Variants in RSBN1L observed in about 807,000 individuals in gnomAD.
RSBN1L encodes the protein round spermatid basic protein 1 like, also known as lysine-specific demethylase RSBN1L.
In RSBN1L, 30 loss-of-function variants were observed where a neutral mutation model predicts 67.7. The observed-to-expected ratio is 0.44, with a 90% CI of 0.33 to 0.60. The LOEUF (loss-of-function observed/expected upper bound fraction) is 0.60, where lower values mean the gene tolerates loss of function less well. Among genes scored for constraint, RSBN1L ranks in the 20% least tolerant of loss-of-function variants. RSBN1L has a pLI of 0.02. For missense variants in RSBN1L, 992 were observed against 1,031.7 expected, an observed-to-expected ratio of 0.96 and a Z score of 0.53; for synonymous variants, 433 against 387.0, an observed-to-expected ratio of 1.12 and a Z score of -1.39.
At chr7:77,745,223 T>C (rs1056259716) in intron 2 of RSBN1L, among the ~76,000 whole-genome samples, 1 of 149,672 alleles carries the variant, frequency 6.7e-6, no homozygotes, top group African/African-American at 2.5e-5. Flanking sequence ...ATTATGCCAT[T>C]GCACTCCAGC....
chr7:77,764,184 G>A (rs1190849779), intron 3 of RSBN1L, among the ~76,000 whole-genome samples: 19 of 152,110 alleles, frequency 1.2e-4, no homozygotes, highest in Admixed American at 1.2e-3. Flanking sequence ...TGATAGTCCT[G>A]GGCAAACTGG....
At chr7:77,714,083 G>A (rs2150414233) in intron 1 of RSBN1L, among the ~76,000 whole-genome samples, 1 of 152,146 alleles carries the variant, frequency 6.6e-6, no homozygotes, top group Middle Eastern at 3.4e-3. Context: ...TTTTAGATTT[G>A]CACTTTTTTA....
At position 77,779,595 on chromosome 7, in the gene RSBN1L, C is replaced by CT. The variant is rs1405132057; in HGVS notation, c.*432dup. ...TGTAGTGTAAATAGCTTTTAAATAT[C>CT]TTTTTAGTGTGATTTATACTGAAAT... On this transcript the variant is annotated 3_prime_UTR_variant, in exon 8 of 8. Coordinates refer to ENST00000334955, the MANE Select transcript of RSBN1L (RefSeq NM_198467.3). 1 of 150,752 alleles carries CT rather than the reference C, an allele frequency of 6.6e-6. No homozygotes were observed. Among genetic ancestry groups the CT allele is most frequent in the African/African-American group, 2.4e-5 (1 of 40,968 alleles). 9.3% of individuals were successfully genotyped at this position (150,752 alleles called of 1,614,324 possible).
rs1303453139 is a variant in RSBN1L at position 77,749,769 on chromosome 7, A to G, written c.1049A>G (p.His350Arg). 1 of 1,614,242 alleles carries G rather than the reference A, an allele frequency of 6.2e-7. No individual in the cohort carries two copies. The highest frequency in any genetic ancestry group is 1.1e-5 in the South Asian group (1 of 91,090). The change falls in exon 3 of 8, where the codon CAT becomes CGT. Residue 350 changes from histidine to arginine, a missense_variant. Around this residue, in one of 7 missense-constraint regions of RSBN1L, gnomAD observed 575 missense variants for 483.2 expected, o/e 1.19. Coordinates refer to ENST00000334955, the MANE Select transcript of RSBN1L (RefSeq NM_198467.3). Reference protein sequence around the residue: ...LDTLEFKQLIHIEHQPNGGAS... With the variant: ...LDTLEFKQLIRIEHQPNGGAS... ...ACTTTGGAATTTAAACAACTCATTCATATAGAGCACCAGCCTAATGGAGGT... is the reference window on the plus strand; with the variant it reads ...ACTTTGGAATTTAAACAACTCATTCGTATAGAGCACCAGCCTAATGGAGGT...
At chr7:77,729,743 C>T (rs986585794) in intron 1 of RSBN1L, among the ~76,000 whole-genome samples, 1 of 152,110 alleles carries the variant, frequency 6.6e-6, no homozygotes, top group South Asian at 2.1e-4. Flanking sequence ...TGTTTGAGCA[C>T]AGGAGTTTGA....
intron 1 of RSBN1L, 187 bp downstream of exon 1, chr7:77,697,242 C>A: frequency 1.9e-6 from 1 of 521,616 alleles, no homozygotes; most frequent in Non-Finnish European, 2.9e-6. Context: ...CCTGTAATTT[C>A]GGTTGCAGAG....
At chr7:77,703,477 G>GTTGTTTTTTT (rs1790845776) in intron 1 of RSBN1L, among the ~76,000 whole-genome samples, 8 of 61,572 alleles carry the variant, frequency 1.3e-4, no homozygotes, top group African/African-American at 5.4e-4. Flanking sequence ...TACTGTTTGG[G>GTTGTTTTTTT]TTTTTTTTTT....
At position 77,696,859 on chromosome 7, in the gene RSBN1L, C is replaced by G. The variant is rs747576362; in HGVS notation, c.390C>G (p.Val130=). The G allele has an allele frequency of 1.2e-5, 20 of 1,611,944 alleles. No homozygotes were observed. Among genetic ancestry groups the G allele is most frequent in the Non-Finnish European group, 1.7e-6 (2 of 1,179,894 alleles). Residue 130 remains valine (V), a synonymous_variant, in exon 1 of 8, where the codon GTC becomes GTG. Coordinates refer to ENST00000334955, the MANE Select transcript of RSBN1L (RefSeq NM_198467.3). ...AGCCGGTGCCGCGCAAACTGCTGGTCCCTCCTACGCTGCTGCACGCTCAGC... is the reference window on the plus strand; with the variant it reads ...AGCCGGTGCCGCGCAAACTGCTGGTGCCTCCTACGCTGCTGCACGCTCAGC... ...LSQPVPRKLL[V]PPTLLHAQPH... is the part of the protein sequence containing the mutation.
At chr7:77,730,627 A>G (rs1791261186) in intron 1 of RSBN1L, among the ~76,000 whole-genome samples, 1 of 152,146 alleles carries the variant, frequency 6.6e-6, no homozygotes, top group Non-Finnish European at 1.5e-5. Flanking sequence ...CCTTTTCCAC[A>G]GCGTCATATG....
chr7:77,717,963 G>A (rs1431087671), intron 1 of RSBN1L, among the ~76,000 whole-genome samples: 1 of 152,230 alleles, frequency 6.6e-6, no homozygotes, highest in Non-Finnish European at 1.5e-5. Context: ...AGGCTGCAGT[G>A]AGCCGAGATC....
chr7:77,747,971 A>G (rs1791507070), intron 2 of RSBN1L, among the ~76,000 whole-genome samples: 1 of 152,074 alleles, frequency 6.6e-6, no homozygotes, highest in Admixed American at 6.6e-5. Flanking sequence ...TTCATTTGTA[A>G]ATAATGAGCA....
At chr7:77,700,437 C>G (rs1214117273) in intron 1 of RSBN1L, among the ~76,000 whole-genome samples, 1 of 152,188 alleles carries the variant, frequency 6.6e-6, no homozygotes, top group Non-Finnish European at 1.5e-5. Context: ...AAAACCAGAG[C>G]ATTTCACTGA....
intron 3 of RSBN1L, among the ~76,000 whole-genome samples, chr7:77,762,615 A>G (rs1791709390): frequency 6.6e-6 from 1 of 152,192 alleles, no homozygotes; most frequent in Non-Finnish European, 1.5e-5. Flanking sequence ...ATTAGTAAAT[A>G]AAGTTCTTGA....
At chr7:77,722,965 C>A (rs1248841828) in intron 1 of RSBN1L, among the ~76,000 whole-genome samples, 1 of 109,750 alleles carries the variant, frequency 9.1e-6, no homozygotes, top group Non-Finnish European at 1.8e-5. Context: ...TTCTTTCTCT[C>A]TTCTTTTTTT....
intron 6 of RSBN1L, among the ~76,000 whole-genome samples, chr7:77,773,891 G>T (rs1791878362): frequency 6.6e-6 from 1 of 152,200 alleles, no homozygotes; most frequent in Non-Finnish European, 1.5e-5. Flanking sequence ...GGCTTACCTG[G>T]TGCATACTGT....
chr7:77,726,073 T>C (rs1014961835), intron 1 of RSBN1L, among the ~76,000 whole-genome samples: 1 of 152,188 alleles, frequency 6.6e-6, no homozygotes, highest in African/African-American at 2.4e-5. Flanking sequence ...ATAAGTTTTT[T>C]AGTAAGCATT....
In RSBN1L at chr7:77,779,746, G is replaced by A. The variant is rs1488943144; in HGVS notation, c.*578G>A. Reference sequence around the variant, plus strand: ...GATTCTCTGCTGGTATATCTATTTAGTGTGGTATTGTAGTGCAAATGTACG... The same window carrying A: ...GATTCTCTGCTGGTATATCTATTTAATGTGGTATTGTAGTGCAAATGTACG... On this transcript the variant is annotated 3_prime_UTR_variant, in exon 8 of 8. Coordinates refer to ENST00000334955, the MANE Select transcript of RSBN1L (RefSeq NM_198467.3). The A allele has an allele frequency of 2.0e-5, 3 of 150,612 alleles. No homozygotes were observed. The highest frequency in any genetic ancestry group is 3.0e-5 in the Non-Finnish European group (2 of 67,778). 9.3% of individuals were successfully genotyped at this position (150,612 alleles called of 1,614,324 possible).
intron 1 of RSBN1L, among the ~76,000 whole-genome samples, chr7:77,703,134 G>C (rs1790840517): frequency 1.3e-5 from 2 of 152,132 alleles, no homozygotes; most frequent in African/African-American, 4.8e-5. Flanking sequence ...TAGTCTCCCT[G>C]TTTTCATACC....
intron 2 of RSBN1L, among the ~76,000 whole-genome samples, chr7:77,737,252 A>G (rs535938360): frequency 2.0e-4 from 30 of 152,336 alleles, no homozygotes; most frequent in African/African-American, 6.3e-4. Context: ...CTAGACAACT[A>G]GCGAATTCAC....
Sources: allele counts gnomAD v4.1 joint callset (sites outside exome capture counted in the v4.1 genomes callset), GRCh38; gene constraint gnomAD v4.1.1; regional missense constraint gnomAD v4.1.1; transcripts MANE v1.5; gene names NCBI Gene and HGNC (gene_info 2026-07-23, HGNC 2026-07-21).